The following RORA variants were observed in gnomAD, a reference collection of about 807,000 sequenced individuals.
RORA encodes the protein nuclear receptor ROR-alpha.
Under a neutral mutation model 69.5 loss-of-function variants are expected in RORA, and 7 were observed. The ratio of observed to expected loss-of-function variants is 0.10; its 90% CI spans 0.06 to 0.19. The LOEUF is 0.19. Ranked by LOEUF, RORA falls within the 10% of genes least tolerant of loss-of-function variation. The pLI, the probability that RORA is intolerant of heterozygous loss-of-function variation, is 1.00. For synonymous variants in RORA, 261 were observed against 240.8 expected (o/e 1.08, Z -0.78); for missense variants, 457 against 663.0 (o/e 0.69, Z 3.41).
intron 1 of RORA, among the ~76,000 whole-genome samples, chr15:60,765,776 G>A (rs1188821535): frequency 6.6e-6 from 1 of 152,014 alleles, no homozygotes; most frequent in African/African-American, 2.4e-5. Context: ...GATTTCCATC[G>A]CATGATTTCA....
chr15:60,742,128 T>A (rs1353143459), intron 1 of RORA, among the ~76,000 whole-genome samples: 2 of 152,196 alleles, frequency 1.3e-5, no homozygotes, highest in Non-Finnish European at 2.9e-5. Flanking sequence ...GATAGATATA[T>A]ATGTGTATGT....
intron 1 of RORA, among the ~76,000 whole-genome samples, chr15:61,093,142 G>A (rs889646087): frequency 3.3e-5 from 5 of 152,076 alleles, no homozygotes; most frequent in African/African-American, 1.2e-4. Context: ...TCATGTGACT[G>A]CAGTCACAGT....
chr15:61,149,478 C>G (rs2079379671), intron 1 of RORA, among the ~76,000 whole-genome samples: 1 of 152,176 alleles, frequency 6.6e-6, no homozygotes, highest in Non-Finnish European at 1.5e-5. Context: ...AGACACTATT[C>G]TCTCTAAATC....
chr15:60,606,445 CTTG>C (rs1479040785), intron 2 of RORA, among the ~76,000 whole-genome samples: 3 of 148,886 alleles, frequency 2.0e-5, no homozygotes, highest in Admixed American at 6.7e-5. Flanking sequence ...CTTGGTCTTT[CTTG>C]TTGTTGTTTT....
intron 1 of RORA, among the ~76,000 whole-genome samples, chr15:60,779,305 C>T (rs2072220369): frequency 6.6e-6 from 1 of 152,172 alleles, no homozygotes; most frequent in Non-Finnish European, 1.5e-5. Context: ...TTTGCATCCT[C>T]AGTTTTCTGG....
chr15:60,953,708 C>T (rs1893177348), intron 1 of RORA, among the ~76,000 whole-genome samples: 1 of 151,426 alleles, frequency 6.6e-6, no homozygotes, highest in Non-Finnish European at 1.5e-5. Flanking sequence ...TCATCACTGG[C>T]CATCAGAGAA....
At position 60,741,181 on chromosome 15, in the gene RORA, A is replaced by C. The variant is rs558555031; in HGVS notation, c.167-62495T>G. ...ACAAATAATGTGGGACAGGAAGAGA[A>C]AGTTCAGTGAACCAATGACTCAAAT... is the stretch of plus-strand genomic sequence containing the variant. On this transcript the variant is annotated intron_variant, in intron 1 of 10. Transcript: ENST00000335670. 7.9e-5 allele frequency among the ~76,000 whole-genome samples: 12 copies of C among 152,318 alleles called. No homozygotes were observed. In the East Asian group the frequency reaches 2.3e-3, roughly 29 times the overall value.
chr15:60,832,241 T>A (rs341393), intron 1 of RORA, among the ~76,000 whole-genome samples: 39,639 of 152,002 alleles, frequency 0.26, 5,329 homozygotes, highest in Admixed American at 0.32. Flanking sequence ...GGCCCTAGAA[T>A]GAGGCTGACA....
chr15:61,059,992 GA>G (rs1277515511), intron 1 of RORA, among the ~76,000 whole-genome samples: 8,889 of 77,262 alleles, frequency 0.12, 320 homozygotes, highest in East Asian at 0.21. Flanking sequence ...GGAAGAGGAA[GA>G]AGAAGAAGAA....
At chr15:60,744,250 C>A (rs747810856) in intron 1 of RORA, among the ~76,000 whole-genome samples, 1 of 152,142 alleles carries the variant, frequency 6.6e-6, no homozygotes, top group Admixed American at 6.5e-5. Flanking sequence ...TAAAGATATA[C>A]GTTGCTTTTA....
At chr15:60,671,057 A>G (rs1183366912) in intron 2 of RORA, among the ~76,000 whole-genome samples, 1 of 93,258 alleles carries the variant, frequency 1.1e-5, no homozygotes, top group African/African-American at 5.9e-5. Context: ...TATCTCCTAT[A>G]TATCCCATTG....
At chr15:61,108,878 G>GTAAAAAGCAC (rs2078976637) in intron 1 of RORA, among the ~76,000 whole-genome samples, 2 of 152,144 alleles carry the variant, frequency 1.3e-5, no homozygotes, top group African/African-American at 4.8e-5. Context: ...AATACTGTCT[G>GTAAAAAGCAC]TAAAAAGCAC....
intron 1 of RORA, among the ~76,000 whole-genome samples, chr15:60,977,912 C>A (rs1893923983): frequency 6.6e-6 from 1 of 152,124 alleles, no homozygotes; most frequent in African/African-American, 2.4e-5. Context: ...AATAATACTG[C>A]TATAAATATT....
chr15:61,137,130 TTC>T (rs1212238222), intron 1 of RORA, among the ~76,000 whole-genome samples: 1 of 140,838 alleles, frequency 7.1e-6, no homozygotes, highest in Non-Finnish European at 1.6e-5. Flanking sequence ...GGTGGCAGAG[TTC>T]TCTCTCCAGA....
intron 2 of RORA, among the ~76,000 whole-genome samples, chr15:60,615,860 G>A (rs558432154): frequency 6.6e-6 from 1 of 152,290 alleles, no homozygotes; most frequent in Admixed American, 6.5e-5. Context: ...GAGGTTGAGA[G>A]GGCTGCTTCG....
intron 1 of RORA, among the ~76,000 whole-genome samples, chr15:60,754,197 G>A (rs996787286): frequency 6.6e-6 from 1 of 152,168 alleles, no homozygotes. Flanking sequence ...TTATTTGTCT[G>A]CTTTGAAAAT....
intron 1 of RORA, among the ~76,000 whole-genome samples, chr15:61,040,155 T>TATAC: frequency 8.6e-6 from 1 of 116,846 alleles, no homozygotes; most frequent in African/African-American, 3.3e-5. Context: ...TATATATATA[T>TATAC]ATATATATAA....
At chr15:61,021,344 G>A (rs1245981227) in intron 1 of RORA, among the ~76,000 whole-genome samples, 1 of 152,198 alleles carries the variant, frequency 6.6e-6, no homozygotes, top group East Asian at 1.9e-4. Flanking sequence ...TACACCGTCA[G>A]TATCACTGCC....
At chr15:61,181,703 G>T (rs1482749882) in intron 1 of RORA, among the ~76,000 whole-genome samples, 1 of 131,936 alleles carries the variant, frequency 7.6e-6, no homozygotes, top group Non-Finnish European at 1.6e-5. Flanking sequence ...AAAAAAAAAA[G>T]GATAAAGTAG....
Sources: gnomAD v4.1 joint callset for allele counts (sites outside exome capture counted in the v4.1 genomes callset) on GRCh38, gnomAD v4.1.1 for gene constraint, MANE v1.5 for transcripts, NCBI Gene and HGNC (gene_info 2026-07-23, HGNC 2026-07-21) for gene names.